CSMD1: variants seen among roughly 807,000 people sequenced by gnomAD.
CSMD1 encodes CUB and sushi domain-containing protein 1.
In CSMD1, 213 loss-of-function variants were observed where a neutral mutation model predicts 417.5. The ratio of observed to expected loss-of-function variants is 0.51; its 90% CI spans 0.46 to 0.57. The LOEUF (loss-of-function observed/expected upper bound fraction) is 0.57. Ranked by LOEUF, CSMD1 falls within the 20% of genes least tolerant of loss-of-function variation. The probability of loss-of-function intolerance (pLI) is 0.00; values close to 1 mark genes in which losing one functional copy is unlikely to be tolerated. For missense variants in CSMD1, 6,923 were observed against 4,529.7 expected, an observed-to-expected ratio of 1.53 and a Z score of -15.17; for synonymous variants, 2,862 against 1,736.8, an observed-to-expected ratio of 1.65 and a Z score of -16.11.
chr8:4,271,978 A>G (rs181439003), intron 3 of CSMD1, among the ~76,000 whole-genome samples: 1 of 152,212 alleles, frequency 6.6e-6, no homozygotes, highest in African/African-American at 2.4e-5. Flanking sequence ...CCCTCCCTAT[A>G]TAGATGGATT....
At chr8:4,374,269 A>G (rs1802578123) in intron 3 of CSMD1, among the ~76,000 whole-genome samples, 1 of 152,148 alleles carries the variant, frequency 6.6e-6, no homozygotes, top group Non-Finnish European at 1.5e-5. Flanking sequence ...AATTTTTTTT[A>G]ATACAGCCTA....
intron 12 of CSMD1, among the ~76,000 whole-genome samples, chr8:3,434,395 A>G (rs1402709583): frequency 2.0e-5 from 3 of 152,186 alleles, no homozygotes; most frequent in Admixed American, 1.3e-4. Flanking sequence ...TCTTCTGAGC[A>G]TTTGTAAAGA....
At chr8:4,551,055 C>G (rs935451419) in intron 2 of CSMD1, among the ~76,000 whole-genome samples, 2 of 152,074 alleles carry the variant, frequency 1.3e-5, no homozygotes, top group African/African-American at 4.8e-5. Context: ...ACAACAAATT[C>G]TCAAAACTAG....
intron 3 of CSMD1, among the ~76,000 whole-genome samples, chr8:4,125,921 A>G (rs1181741830): frequency 6.6e-6 from 1 of 152,180 alleles, no homozygotes; most frequent in African/African-American, 2.4e-5. Flanking sequence ...CTCCAAGAGT[A>G]TGAACCTTCC....
Position 4,437,625 on chromosome 8 carries a change from C to T in CSMD1, c.303-17560G>A, listed in dbSNP as rs78612667. On this transcript the variant is annotated intron_variant, in intron 2 of 69. Coordinates refer to ENST00000635120, the MANE Select transcript of CSMD1 (RefSeq NM_033225.6). Reference sequence around the variant, plus strand: ...ACTCTATCAGCCTCTGTTCACCAAGCCTTTCCAGATCCCAGAGTCACACAA... The same window carrying T: ...ACTCTATCAGCCTCTGTTCACCAAGTCTTTCCAGATCCCAGAGTCACACAA... 8.8e-3 allele frequency among the ~76,000 whole-genome samples: 1,334 copies of T among 152,310 alleles called. 18 individuals carry two copies. Among genetic ancestry groups the T allele is most frequent in the African/African-American group, 0.031 (1,278 of 41,564 alleles).
chr8:4,080,005 T>G (rs1023020136), intron 3 of CSMD1, among the ~76,000 whole-genome samples: 5 of 122,480 alleles, frequency 4.1e-5, no homozygotes, highest in Non-Finnish European at 6.8e-5. Context: ...ATATTGGTGT[T>G]TTTTTTTTTT....
intron 1 of CSMD1, among the ~76,000 whole-genome samples, chr8:4,914,495 G>A (rs1026426490): frequency 6.6e-6 from 1 of 151,236 alleles, no homozygotes; most frequent in African/African-American, 2.4e-5. Context: ...GGAGAATGGC[G>A]TGAACCTGGG....
intron 7 of CSMD1, among the ~76,000 whole-genome samples, chr8:3,627,001 A>G (rs1796524155): frequency 6.6e-6 from 1 of 151,958 alleles, no homozygotes; most frequent in South Asian, 2.1e-4. Context: ...ATATAAAAGG[A>G]AATAAGTTCA....
chr8:3,730,552 C>G (rs369376660), intron 6 of CSMD1, among the ~76,000 whole-genome samples: 1 of 152,022 alleles, frequency 6.6e-6, no homozygotes, highest in Non-Finnish European at 1.5e-5. Flanking sequence ...GAGGAAAGTG[C>G]TACCGCCAAT....
chr8:3,273,000 G>C (rs1214207864), intron 26 of CSMD1, among the ~76,000 whole-genome samples: 4 of 151,252 alleles, frequency 2.6e-5, no homozygotes, highest in Non-Finnish European at 4.4e-5. Context: ...GGGCATCCCT[G>C]TCTTGTGCCA....
At chr8:3,604,424 T>C (rs960316448) in intron 8 of CSMD1, among the ~76,000 whole-genome samples, 3 of 152,082 alleles carry the variant, frequency 2.0e-5, no homozygotes, top group African/African-American at 7.2e-5. Context: ...AACACATCTC[T>C]TAGCATTGCT....
chr8:4,297,787 A>C (rs1042760625), intron 3 of CSMD1, among the ~76,000 whole-genome samples: 1 of 152,212 alleles, frequency 6.6e-6, no homozygotes. Context: ...GATACATTTC[A>C]AAAGGATTTT....
At chr8:4,572,449 C>T (rs1042305992) in intron 2 of CSMD1, among the ~76,000 whole-genome samples, 2 of 152,212 alleles carry the variant, frequency 1.3e-5, no homozygotes, top group African/African-American at 4.8e-5. Flanking sequence ...TTGGCCCCCA[C>T]TCTCTTCTGG....
chr8:4,073,361 G>A (rs562542473), intron 3 of CSMD1, among the ~76,000 whole-genome samples: 1 of 152,250 alleles, frequency 6.6e-6, no homozygotes, highest in East Asian at 1.9e-4. Flanking sequence ...TCACATAAGA[G>A]CAAGGTCGTA....
chr8:3,815,381 G>C (rs1329997073), intron 5 of CSMD1, among the ~76,000 whole-genome samples: 2 of 152,118 alleles, frequency 1.3e-5, no homozygotes, highest in Admixed American at 6.5e-5. Flanking sequence ...AAAACTTACA[G>C]ATGAAATTAA....
At chr8:3,366,802 A>C (rs1002272599) in intron 20 of CSMD1, among the ~76,000 whole-genome samples, 4 of 152,208 alleles carry the variant, frequency 2.6e-5, no homozygotes, top group Non-Finnish European at 5.9e-5. Flanking sequence ...ACGAGAATTC[A>C]CAAATTGTGT....
At chr8:4,747,542 A>C (rs1811037219) in intron 1 of CSMD1, among the ~76,000 whole-genome samples, 1 of 152,226 alleles carries the variant, frequency 6.6e-6, no homozygotes, top group Non-Finnish European at 1.5e-5. Context: ...TATTTGTCTT[A>C]ATTTATGATC....
At chr8:4,525,087 C>G (rs1563255591) in intron 2 of CSMD1, among the ~76,000 whole-genome samples, 1 of 152,110 alleles carries the variant, frequency 6.6e-6, no homozygotes, top group East Asian at 1.9e-4. Flanking sequence ...AATACATCAA[C>G]CTTTCTGAAA....
intron 21 of CSMD1, among the ~76,000 whole-genome samples, chr8:3,352,202 T>C (rs1023812355): frequency 5.3e-5 from 8 of 152,088 alleles, no homozygotes; most frequent in South Asian, 2.1e-4. Flanking sequence ...GCAAGACAAA[T>C]AGGATGTTTT....
Sources: gnomAD v4.1 joint callset for allele counts (sites outside exome capture counted in the v4.1 genomes callset) on GRCh38, gnomAD v4.1.1 for gene constraint, MANE v1.5 for transcripts, NCBI Gene and HGNC (gene_info 2026-07-23, HGNC 2026-07-21) for gene names.